Variants in AKAIN1 observed in about 807,000 individuals in gnomAD.
AKAIN1 encodes the protein A-kinase anchor inhibitor 1.
Under a neutral mutation model 3.7 loss-of-function variants are expected in AKAIN1, and 3 were observed. The ratio of observed to expected loss-of-function variants is 0.82; its 90% CI spans 0.37 to 2.12. The LOEUF (loss-of-function observed/expected upper bound fraction) is 2.12. Ranked by LOEUF, AKAIN1 falls within the 30% of genes most tolerant of loss-of-function variation. The pLI, the probability that AKAIN1 is intolerant of heterozygous loss-of-function variation, is 0.06. For missense variants in AKAIN1, 82 were observed against 82.7 expected (o/e 0.99, Z 0.03); for synonymous variants, 31 against 30.8 (o/e 1.01, Z -0.02).
At chr18:5,177,441 C>A (rs1345919084) in intron 1 of AKAIN1, among the ~76,000 whole-genome samples, 1 of 151,872 alleles carries the variant, frequency 6.6e-6, no homozygotes, top group Non-Finnish European at 1.5e-5. Flanking sequence ...TGTACACCGG[C>A]CTTATTTTTT....
At chr18:5,197,428 G>C (rs1274249272), upstream of AKAIN1, 3 of 1,245,614 alleles carry the variant, frequency 2.4e-6, no homozygotes, top group African/African-American at 4.7e-5. This position sits in a 1 kb window ranked among gnomAD's most constrained non-coding sequence, Gnocchi z 6.9. Context: ...TCCCGGCAGG[G>C]GACAGTGAAT....
chr18:5,188,612 G>T, intron 1 of AKAIN1, among the ~76,000 whole-genome samples: 1 of 152,006 alleles, frequency 6.6e-6, no homozygotes, highest in African/African-American at 2.4e-5. Context: ...ACCCTTGCTT[G>T]TAACCCTAAT....
rs1390587038 is a variant in AKAIN1 at position 5,172,887 on chromosome 18, T to C, written c.16+24151A>G. ...TATGGAAGAAAATAGGTGTGGAATC[T>C]AAATTACACACCTTTTGTTTTAAAG... On this transcript the variant is annotated intron_variant, in intron 1 of 1. Coordinates refer to ENST00000434239, the MANE Select transcript of AKAIN1 (RefSeq NM_001145194.2). 4.6e-5 allele frequency among the ~76,000 whole-genome samples: 7 copies of C among 152,216 alleles called. No homozygotes were observed. The East Asian group carries it at 7.7e-4, about 17-fold the overall frequency.
Position 5,144,040 on chromosome 18 carries a change from C to A in AKAIN1, c.*1522G>T, listed in dbSNP as rs2071035307. Among the ~76,000 whole-genome samples the A allele has an allele frequency of 6.6e-6, 1 of 152,172 alleles. No individual in the cohort carries two copies. The highest frequency in any genetic ancestry group is 2.4e-5 in the African/African-American group (1 of 41,434). ...ACTCACTCTTCACTTGGCATGAATT[C>A]TGCTAAAAGAAATACTTGTGAGTAA... On this transcript the variant is annotated 3_prime_UTR_variant, in exon 2 of 2. Transcript: ENST00000434239.
At chr18:5,195,066 GAC>G (rs1294272808) in intron 1 of AKAIN1, among the ~76,000 whole-genome samples, 5 of 152,078 alleles carry the variant, frequency 3.3e-5, no homozygotes, top group African/African-American at 9.7e-5. Flanking sequence ...AAGGTAAGTT[GAC>G]ACAGTATTTT....
chr18:5,150,086 G>A (rs994233839), intron 1 of AKAIN1, among the ~76,000 whole-genome samples: 3 of 152,192 alleles, frequency 2.0e-5, no homozygotes, highest in Admixed American at 2.0e-4. Context: ...CAGCTACTTA[G>A]GAGGAAGGAA....
In AKAIN1 at chr18:5,142,988, A is replaced by C. The variant is rs971957129; in HGVS notation, c.*2574T>G. The stretch of plus-strand genomic sequence containing the variant: ...AACATGAAAGGATTTCTTTCTTTAG[A>C]TCCACCCTAGGGGCAGGCAACAGAG... On this transcript the variant is annotated 3_prime_UTR_variant, in exon 2 of 2. Transcript: ENST00000434239. 1.3e-5 allele frequency among the ~76,000 whole-genome samples: 2 copies of C among 152,214 alleles called. No homozygotes were observed. The highest frequency in any genetic ancestry group is 4.8e-5 in the African/African-American group (2 of 41,458).
chr18:5,151,154 G>C (rs1035646060), intron 1 of AKAIN1, among the ~76,000 whole-genome samples: 1 of 152,170 alleles, frequency 6.6e-6, no homozygotes, highest in African/African-American at 2.4e-5. Context: ...GTAATACACA[G>C]GGCTGCTGCT....
Position 5,144,288 on chromosome 18 carries a change from A to T in AKAIN1, c.*1274T>A, listed in dbSNP as rs1043180625. Reference sequence around the variant, plus strand: ...TTATACCCGAATACTTTGCTTTAAAAAAAAATCAAATGTAGATATTGATAC... The same window carrying T: ...TTATACCCGAATACTTTGCTTTAAATAAAAATCAAATGTAGATATTGATAC... On this transcript the variant is annotated 3_prime_UTR_variant, in exon 2 of 2. Coordinates refer to ENST00000434239, the MANE Select transcript of AKAIN1 (RefSeq NM_001145194.2). Among the ~76,000 whole-genome samples the T allele has an allele frequency of 6.6e-6, 1 of 152,230 alleles. No homozygotes were observed. Among genetic ancestry groups the T allele is most frequent in the Non-Finnish European group, 1.5e-5 (1 of 68,048 alleles).
intron 1 of AKAIN1, among the ~76,000 whole-genome samples, chr18:5,192,597 T>A (rs2071328128): frequency 6.6e-6 from 1 of 152,066 alleles, no homozygotes; most frequent in Admixed American, 6.6e-5. Context: ...TCTGCCAACA[T>A]CTTGGACTTG....
intron 1 of AKAIN1, among the ~76,000 whole-genome samples, chr18:5,189,061 A>G (rs1007857487): frequency 4.6e-5 from 7 of 152,292 alleles, no homozygotes; most frequent in African/African-American, 1.7e-4. Flanking sequence ...CAGCAGGTAG[A>G]GCTACACCTG....
upstream of AKAIN1, chr18:5,197,329 G>T: frequency 7.6e-7 from 1 of 1,311,696 alleles, no homozygotes; most frequent in South Asian, 2.0e-5. This position sits in a 1 kb window ranked among gnomAD's most constrained non-coding sequence, Gnocchi z 6.9. Context: ...GTGCCAGCTC[G>T]GCGACGTACA....
chr18:5,148,808 G>A (rs765725758), intron 1 of AKAIN1, among the ~76,000 whole-genome samples: 4 of 152,130 alleles, frequency 2.6e-5, no homozygotes, highest in Non-Finnish European at 5.9e-5. Flanking sequence ...AGTAAGCTGA[G>A]ATCATGCCAC....
intron 1 of AKAIN1, among the ~76,000 whole-genome samples, chr18:5,168,162 C>T (rs1281270553): frequency 4.6e-5 from 7 of 152,040 alleles, no homozygotes; most frequent in Non-Finnish European, 1.5e-5. Flanking sequence ...CTTTATTTAT[C>T]ACAAATCTTG....
intron 1 of AKAIN1, among the ~76,000 whole-genome samples, chr18:5,195,851 G>A (rs2071344336): frequency 1.3e-5 from 2 of 152,018 alleles, no homozygotes; most frequent in Non-Finnish European, 2.9e-5. Flanking sequence ...AGAGCTCCTG[G>A]GCATTCCTTT....
chr18:5,192,526 A>C (rs2071327594), intron 1 of AKAIN1, among the ~76,000 whole-genome samples: 1 of 151,548 alleles, frequency 6.6e-6, no homozygotes, highest in African/African-American at 2.4e-5. Context: ...TTGGCATCCC[A>C]AAGTATTGGG....
chr18:5,190,506 G>GTT (rs781561316), intron 1 of AKAIN1, among the ~76,000 whole-genome samples: 22 of 152,104 alleles, frequency 1.4e-4, no homozygotes, highest in Non-Finnish European at 2.6e-4. Context: ...TAACCATATA[G>GTT]TTTTACTGGT....
intron 1 of AKAIN1, among the ~76,000 whole-genome samples, chr18:5,174,886 A>G (rs1460288376): frequency 6.6e-6 from 1 of 152,146 alleles, no homozygotes. Flanking sequence ...GAGACAGAAT[A>G]CTAACCTTTC....
chr18:5,160,072 C>T (rs1477809034), intron 1 of AKAIN1, among the ~76,000 whole-genome samples: 1 of 152,124 alleles, frequency 6.6e-6, no homozygotes, highest in Non-Finnish European at 1.5e-5. Flanking sequence ...CTTGGCCTTG[C>T]CTACACATGT....
Sources: allele counts gnomAD v4.1 joint callset (sites outside exome capture counted in the v4.1 genomes callset), GRCh38; gene constraint gnomAD v4.1.1; non-coding constraint Gnocchi (gnomAD v3.1); transcripts MANE v1.5; gene names NCBI Gene and HGNC (gene_info 2026-07-23, HGNC 2026-07-21).